IFT140: variants seen among roughly 807,000 people sequenced by gnomAD.
The protein encoded by IFT140 is intraflagellar transport protein 140 homolog.
IFT140 carries 133 observed loss-of-function variants against 164.6 expected under a neutral mutation model. The observed-to-expected ratio is 0.81, with a 90% CI of 0.70 to 0.93. The LOEUF (loss-of-function observed/expected upper bound fraction) is 0.93, where lower values mean the gene tolerates loss of function less well. Ranked by LOEUF, IFT140 falls within the 40% of genes least tolerant of loss-of-function variation. The probability of loss-of-function intolerance (pLI) is 0.00; values close to 1 mark genes in which losing one functional copy is unlikely to be tolerated. For missense variants in IFT140, 2,045 were observed against 1,972.3 expected (o/e 1.04, Z -0.70); for synonymous variants, 860 against 817.3 (o/e 1.05, Z -0.89).
intron 20 of IFT140, chr16:1,526,320 CT>C (rs1200857617): frequency 6.9e-5 from 41 of 591,492 alleles, no homozygotes; most frequent in African/African-American, 6.0e-4. Context: ...ACAGCCCCCC[CT>C]CCCACAGCCT....
At chr16:1,555,199 A>T in intron 19 of IFT140, 1 of 829,262 alleles carries the variant, frequency 1.2e-6, no homozygotes, top group Non-Finnish European at 1.8e-6. Flanking sequence ...TATGTCGGTC[A>T]TATGTCTGTA....
At chr16:1,537,961 G>A (rs1214106462) in intron 19 of IFT140, among the ~76,000 whole-genome samples, 1 of 152,228 alleles carries the variant, frequency 6.6e-6, no homozygotes, top group Non-Finnish European at 1.5e-5. Context: ...TGCTCGGCCA[G>A]GACCCAGCTG....
Position 1,551,816 on chromosome 16 carries a change from G to A in IFT140, c.2399+6119C>T, listed in dbSNP as rs188868354. Among the ~76,000 whole-genome samples the A allele has an allele frequency of 7.8e-4, 119 of 152,290 alleles. No homozygotes were observed. The highest frequency in any genetic ancestry group is 1.9e-3 in the East Asian group (10 of 5,172). The stretch of plus-strand genomic sequence containing the variant: ...ATCAACTCTGCGGGACCTCCCACCC[G>A]GGCTGGTTGCCCTGTGTTGCCTTAG... On this transcript the variant is annotated intron_variant, in intron 19 of 30. Coordinates refer to ENST00000426508, the MANE Select transcript of IFT140 (RefSeq NM_014714.4). This position sits in a 1 kb window ranked among gnomAD's most constrained non-coding sequence, Gnocchi z 4.0.
At chr16:1,601,260 T>C (rs1256353987) in intron 4 of IFT140, among the ~76,000 whole-genome samples, 7 of 123,644 alleles carry the variant, frequency 5.7e-5, no homozygotes, top group African/African-American at 1.6e-4. Flanking sequence ...CAAGATTCCA[T>C]CACAAAAAAA....
Position 1,551,508 on chromosome 16 carries a change from G to T in IFT140, c.2399+6427C>A, listed in dbSNP as rs1474186162. On this transcript the variant is annotated intron_variant, in intron 19 of 30. Transcript: ENST00000426508. This position sits in a 1 kb window ranked among gnomAD's most constrained non-coding sequence, Gnocchi z 4.0. ...CCCTAAGGCGATGGGAGCCACAAGG[G>T]TGCTGAGTGCTGGGGAGACAGGATG... Among the ~76,000 whole-genome samples the T allele has an allele frequency of 1.3e-5, 2 of 152,200 alleles. No individual in the cohort carries two copies. Among genetic ancestry groups the T allele is most frequent in the Middle Eastern group, 3.2e-3 (1 of 316 alleles).
intron 19 of IFT140, among the ~76,000 whole-genome samples, chr16:1,538,175 A>T (rs1177654686): frequency 6.6e-6 from 1 of 152,176 alleles, no homozygotes; most frequent in Non-Finnish European, 1.5e-5. Context: ...CCTTCCTGGC[A>T]GGGCGGTGGG....
chr16:1,606,892 A>G (rs533210313), intron 3 of IFT140, among the ~76,000 whole-genome samples: 1 of 152,172 alleles, frequency 6.6e-6, no homozygotes, highest in Non-Finnish European at 1.5e-5. Flanking sequence ...ATACAGATGC[A>G]CACACACACC....
At chr16:1,598,044 T>C (rs1773273547) in intron 4 of IFT140, among the ~76,000 whole-genome samples, 1 of 151,718 alleles carries the variant, frequency 6.6e-6, no homozygotes. Context: ...ACCAAAGAAG[T>C]AGAAATCTGG....
At chr16:1,544,284 C>T (rs938359817) in intron 19 of IFT140, among the ~76,000 whole-genome samples, 2 of 151,468 alleles carry the variant, frequency 1.3e-5, no homozygotes, top group African/African-American at 2.4e-5. Flanking sequence ...CCCGGGTTCA[C>T]GCCATTCTCC....
chr16:1,591,643 T>C (rs564917491), intron 6 of IFT140, among the ~76,000 whole-genome samples: 3 of 152,332 alleles, frequency 2.0e-5, no homozygotes, highest in Non-Finnish European at 2.9e-5. Flanking sequence ...TGGCCTTGGC[T>C]GCGCAGCCTG....
chr16:1,535,054 A>AG (rs1290368762), intron 19 of IFT140, among the ~76,000 whole-genome samples: 1 of 152,214 alleles, frequency 6.6e-6, no homozygotes, highest in East Asian at 1.9e-4. Context: ...ACATAAAAAA[A>AG]AAATGAAAAT....
chr16:1,607,410 C>T (rs540257374), intron 2 of IFT140, 113 bp from the exon 3 acceptor site: 4 of 927,134 alleles, frequency 4.3e-6, no homozygotes, highest in South Asian at 1.8e-5. Flanking sequence ...GGAAGACCAT[C>T]GGCAACTTGA....
chr16:1,568,293 A>G lies in IFT140; in HGVS notation c.1694T>C (p.Leu565Pro). The change falls in exon 15 of 31, where the codon CTG becomes CCG. Residue 565 changes from leucine to proline, a missense_variant. By Grantham distance (98) the Leu-to-Pro change is moderately conservative. Coordinates refer to ENST00000426508, the MANE Select transcript of IFT140 (RefSeq NM_014714.4). ...AHCSCRSLAE[L>P]VPGVGGIASL... ...AGCGATGCCCCCCACCCCAGGGACC[A>G]GCTCCGCCAGGCTCCTGCAGCTACA... The G allele has an allele frequency of 6.2e-7, 1 of 1,613,794 alleles. No individual in the cohort carries two copies. The highest frequency in any genetic ancestry group is 8.5e-7 in the Non-Finnish European group (1 of 1,180,008).
chr16:1,528,326 C>T (rs556796958), intron 19 of IFT140, among the ~76,000 whole-genome samples: 5 of 119,198 alleles, frequency 4.2e-5, no homozygotes, highest in African/African-American at 1.2e-4. Context: ...CACGCATGCA[C>T]GCACGTGTGC....
At chr16:1,528,337 ACACACACGCATGCACGCACG>A (rs2029971959) in intron 19 of IFT140, among the ~76,000 whole-genome samples, 9 of 105,574 alleles carry the variant, frequency 8.5e-5, no homozygotes, top group African/African-American at 3.6e-4. Flanking sequence ...GCACGTGTGC[ACACACACGCATGCACGCACG>A]TGTGCACACA....
chr16:1,568,216 C>T lies in IFT140; in HGVS notation c.1770+1G>A. 1 of 1,593,736 alleles carries T rather than the reference C, an allele frequency of 6.3e-7. No individual in the cohort carries two copies. The highest frequency in any genetic ancestry group is 8.5e-7 in the Non-Finnish European group (1 of 1,170,756). ...GGCGAGTGGACGAGGGGTGGCCTCA[C>T]CTTGCTGGGGAGGATGCTGATGGTG... On this transcript the variant is annotated splice_donor_variant, in intron 15 of 30. Coordinates refer to ENST00000426508, the MANE Select transcript of IFT140 (RefSeq NM_014714.4). LOFTEE classifies it high-confidence loss of function.
intron 19 of IFT140, among the ~76,000 whole-genome samples, chr16:1,544,838 CG>C (rs1344904958): frequency 2.0e-5 from 3 of 149,498 alleles, no homozygotes; most frequent in Non-Finnish European, 4.5e-5. Flanking sequence ...TTAGTAGAGA[CG>C]GGGTTTCACC....
At chr16:1,569,090 C>T (rs543440887) in intron 14 of IFT140, among the ~76,000 whole-genome samples, 184 of 151,586 alleles carry the variant, frequency 1.2e-3, no homozygotes, top group Non-Finnish European at 2.1e-3. Context: ...CTGCAAGCTC[C>T]GCCTCCCGGG....
At chr16:1,528,362 C>T (rs904681375) in intron 19 of IFT140, among the ~76,000 whole-genome samples, 3 of 151,062 alleles carry the variant, frequency 2.0e-5, no homozygotes, top group African/African-American at 7.4e-5. Context: ...CGCACGTGTG[C>T]ACACACACGC....
Sources: gnomAD v4.1 joint callset for allele counts (sites outside exome capture counted in the v4.1 genomes callset) on GRCh38, gnomAD v4.1.1 for gene constraint, Gnocchi (gnomAD v3.1) non-coding constraint, MANE v1.5 for transcripts, NCBI Gene and HGNC (gene_info 2026-07-23, HGNC 2026-07-21) for gene names.